Variants in ANO1 observed in about 807,000 individuals in gnomAD.
ANO1 encodes the protein anoctamin 1.
A neutral mutation model predicts 124.0 loss-of-function variants in ANO1; 59 were observed. The observed-to-expected ratio is 0.48, with a 90% confidence interval of 0.39 to 0.59. The LOEUF (loss-of-function observed/expected upper bound fraction) is 0.59, where lower values mean the gene tolerates loss of function less well. Ranked by LOEUF, ANO1 falls within the 20% of genes least tolerant of loss-of-function variation. The pLI is 0.00. For synonymous variants in ANO1, 529 were observed against 532.0 expected (o/e 0.99, Z 0.08); for missense variants, 1,059 against 1,328.0 (o/e 0.80, Z 3.15).
intron 1 of ANO1, among the ~76,000 whole-genome samples, chr11:70,048,727 T>C (rs1857300601): frequency 3.6e-5 from 3 of 82,792 alleles, no homozygotes; most frequent in Non-Finnish European, 6.9e-5. Flanking sequence ...CCCCCAGCCC[T>C]GGTTACTGAT....
intron 10 of ANO1, among the ~76,000 whole-genome samples, chr11:70,130,862 C>G (rs2046728208): frequency 6.6e-6 from 1 of 152,246 alleles, no homozygotes; most frequent in Non-Finnish European, 1.5e-5. Flanking sequence ...CCCCCGTTCT[C>G]CCAGAGAAGA....
At chr11:70,017,599 T>G (rs1856725712) in intron 1 of ANO1, among the ~76,000 whole-genome samples, 1 of 150,922 alleles carries the variant, frequency 6.6e-6, no homozygotes, top group African/African-American at 2.4e-5. Flanking sequence ...CACTGCAGCC[T>G]TGACTCCCAA....
Position 70,111,779 on chromosome 11 carries a change from C to T in ANO1, c.855+17C>T, listed in dbSNP as rs759273147. ...CTGCACGATGTAAGTAACCTTGACA[C>T]ACGATTTATCTCTGCGTCATTTGAC... On this transcript the variant is annotated intron_variant, in intron 7 of 25. Coordinates refer to ENST00000355303, the MANE Select transcript of ANO1 (RefSeq NM_018043.7). The T allele has an allele frequency of 1.9e-6, 3 of 1,613,642 alleles. No individual in the cohort carries two copies. The East Asian group carries it at 6.7e-5, about 36-fold the overall frequency.
chr11:70,012,595 C>A (rs1856619235), intron 1 of ANO1, among the ~76,000 whole-genome samples: 1 of 149,896 alleles, frequency 6.7e-6, no homozygotes, highest in African/African-American at 2.5e-5. Context: ...GCAATCTATT[C>A]ATTCACACAT....
At chr11:70,030,089 C>T (rs923077941) in intron 1 of ANO1, among the ~76,000 whole-genome samples, 13 of 152,160 alleles carry the variant, frequency 8.5e-5, no homozygotes. Flanking sequence ...CAGAGGGAAA[C>T]AAAAGCAAAA....
intron 3 of ANO1, among the ~76,000 whole-genome samples, chr11:70,103,536 T>G (rs958679324): frequency 6.6e-6 from 1 of 152,216 alleles, no homozygotes; most frequent in African/African-American, 2.4e-5. Flanking sequence ...TTTATCAGAT[T>G]CATTTTAATT....
chr11:70,170,782 TG>T, intron 21 of ANO1, 104 bp from the exon 22 acceptor site: 1 of 1,412,072 alleles, frequency 7.1e-7, no homozygotes, highest in Non-Finnish European at 9.5e-7. Flanking sequence ...TCGTTGGAGG[TG>T]GGGCGGCAGC....
intron 1 of ANO1, among the ~76,000 whole-genome samples, chr11:70,030,739 C>T (rs1372016608): frequency 6.6e-6 from 1 of 152,192 alleles, no homozygotes; most frequent in African/African-American, 2.4e-5. Flanking sequence ...TAATACAAAG[C>T]ACTTTTGCCA....
intron 1 of ANO1, among the ~76,000 whole-genome samples, chr11:70,043,329 C>A (rs942537717): frequency 1.3e-5 from 2 of 152,044 alleles, no homozygotes; most frequent in Non-Finnish European, 2.9e-5. Context: ...CACAGAACAC[C>A]ATAGATTTGT....
chr11:70,010,168 C>CGTGTGTGTGT lies in ANO1; in HGVS notation c.58+24005_58+24014dup, dbSNP rs1182713351. On this transcript the variant is annotated intron_variant, in intron 1 of 27. Transcript: ENST00000531349. Reference sequence around the variant, plus strand: ...GTGTGTGTGTGTGTGTGTGTGTGCGCGTGTGTGTGTGTATATATATATATA... The same window carrying CGTGTGTGTGT: ...GTGTGTGTGTGTGTGTGTGTGTGCGCGTGTGTGTGTGTGTGTGTGTGTATATATATATATA... Among the ~76,000 whole-genome samples, 29 of 70,338 alleles carry CGTGTGTGTGT rather than the reference C, an allele frequency of 4.1e-4. 2 individuals are homozygous for CGTGTGTGTGT. Among genetic ancestry groups the CGTGTGTGTGT allele is most frequent in the African/African-American group, 8.6e-4 (16 of 18,572 alleles). 46.1% of individuals were successfully genotyped at this position (70,338 alleles called of 152,430 possible). A position where few individuals can be genotyped will look rare whatever the true frequency, so the allele number is the denominator to read the frequency against.
chr11:70,144,261 C>T (rs1469215534), intron 11 of ANO1, among the ~76,000 whole-genome samples: 1 of 152,172 alleles, frequency 6.6e-6, no homozygotes, highest in Non-Finnish European at 1.5e-5. Context: ...CGAGCTGGGC[C>T]GTAAGAGCAG....
chr11:70,149,849 A>G, intron 12 of ANO1, 57 bp downstream of exon 12: 1 of 1,580,186 alleles, frequency 6.3e-7, no homozygotes, highest in African/African-American at 1.4e-5. Context: ...CCCCTACCCC[A>G]GGACCTCCTT....
chr11:70,051,471 T>C (rs1381514768), intron 1 of ANO1, among the ~76,000 whole-genome samples: 1 of 152,214 alleles, frequency 6.6e-6, no homozygotes, highest in Admixed American at 6.5e-5. Context: ...TCCAAAGTGG[T>C]TGTACCAATG....
chr11:70,176,744 G>A (rs2048716686), intron 22 of ANO1, among the ~76,000 whole-genome samples: 1 of 152,138 alleles, frequency 6.6e-6, no homozygotes, highest in Admixed American at 6.5e-5. Flanking sequence ...GGTTAATTTG[G>A]GGGTGCCCTG....
intron 24 of ANO1, among the ~76,000 whole-genome samples, chr11:70,184,648 C>T (rs1295576117): frequency 6.6e-6 from 1 of 152,340 alleles, no homozygotes; most frequent in African/African-American, 2.4e-5. Context: ...CCTGCACCAG[C>T]GGAATGCTTA....
At chr11:70,115,684 A>C (rs551171250) in intron 7 of ANO1, among the ~76,000 whole-genome samples, 5 of 152,298 alleles carry the variant, frequency 3.3e-5, no homozygotes, top group African/African-American at 4.8e-5. Flanking sequence ...CATGCCCTGA[A>C]CCTCGACAGG....
At chr11:69,967,214 C>T in the ANO1 span, among the ~76,000 whole-genome samples, 21 of 24,292 alleles carry the variant, frequency 8.6e-4, no homozygotes, top group East Asian at 0.015. Flanking sequence ...TAGCATCAGG[C>T]TCCGAGCGCC....
chr11:70,072,079 A>G (rs900268325), intron 1 of ANO1, among the ~76,000 whole-genome samples: 1 of 152,134 alleles, frequency 6.6e-6, no homozygotes, highest in Admixed American at 6.5e-5. Flanking sequence ...AGTAACGCAC[A>G]CCTTTATTGT....
intron 1 of ANO1, among the ~76,000 whole-genome samples, chr11:70,058,675 G>A (rs782542755): frequency 1.7e-4 from 26 of 152,226 alleles, no homozygotes; most frequent in Admixed American, 2.0e-4. Flanking sequence ...GTACCCTGTA[G>A]CATCTCAAGG....
Sources: gnomAD v4.1 joint callset for allele counts (sites outside exome capture counted in the v4.1 genomes callset) on GRCh38, gnomAD v4.1.1 for gene constraint, MANE v1.5 for transcripts, NCBI Gene and HGNC (gene_info 2026-07-23, HGNC 2026-07-21) for gene names.